The following CCDC171 variants were observed in gnomAD, a reference collection of about 807,000 sequenced individuals.
CCDC171 encodes the protein coiled-coil domain containing 171, also known as coiled-coil domain-containing protein 171.
In CCDC171, 177 loss-of-function variants were observed where a neutral mutation model predicts 168.2. That is an observed-to-expected ratio of 1.05 (90% CI 0.93 to 1.19). CCDC171 has a LOEUF of 1.19. Ranked by LOEUF, CCDC171 falls within the 50% of genes most tolerant of loss-of-function variation. The pLI, the probability that CCDC171 is intolerant of heterozygous loss-of-function variation, is 0.00. For synonymous variants in CCDC171, 687 were observed against 540.8 expected (o/e 1.27, Z -3.75); for missense variants, 1,991 against 1,539.0 (o/e 1.29, Z -4.91).
At chr9:15,974,297 T>C (rs183799107), downstream of CCDC171, among the ~76,000 whole-genome samples, 1 of 152,316 alleles carries the variant, frequency 6.6e-6, no homozygotes, top group African/African-American at 2.4e-5. Flanking sequence ...ACATATCCTA[T>C]GGAGATCTGA....
chr9:15,810,700 C>T (rs1371404922), intron 21 of CCDC171, among the ~76,000 whole-genome samples: 10 of 152,186 alleles, frequency 6.6e-5, no homozygotes, highest in South Asian at 2.1e-4. Context: ...GCTCCGAGTG[C>T]GGGGCCTGCC....
chr9:15,776,147 T>TTTTA (rs912132306), intron 18 of CCDC171: 7 of 152,234 alleles, frequency 4.6e-5, no homozygotes, highest in African/African-American at 1.2e-4. Flanking sequence ...ATTGTTTTCT[T>TTTTA]TTTATTTATT....
At chr9:15,990,009 ATAT>A (rs1179429994) in intron 3 of CCDC171, among the ~76,000 whole-genome samples, 1 of 152,194 alleles carries the variant, frequency 6.6e-6, no homozygotes, top group Non-Finnish European at 1.5e-5. Flanking sequence ...ACTCTGCAGG[ATAT>A]TATCCAGGAG....
intron 25 of CCDC171, among the ~76,000 whole-genome samples, chr9:15,953,400 AT>A (rs1261826424): frequency 6.6e-6 from 1 of 152,154 alleles, no homozygotes; most frequent in Non-Finnish European, 1.5e-5. Context: ...GCAGTATTAA[AT>A]TTAATCAAAT....
intron 16 of CCDC171, among the ~76,000 whole-genome samples, chr9:15,743,748 G>A (rs571068646): frequency 1.2e-4 from 18 of 152,284 alleles, no homozygotes; most frequent in African/African-American, 3.9e-4. Flanking sequence ...AATTAAGTGA[G>A]TATCCTTGAG....
At chr9:16,058,370 G>A (rs921126590) in intron 1 of CCDC171, among the ~76,000 whole-genome samples, 1 of 151,974 alleles carries the variant, frequency 6.6e-6, no homozygotes. Context: ...CTATTTCTCA[G>A]CCCCCTTGCC....
the CCDC171 span, among the ~76,000 whole-genome samples, chr9:16,088,880 C>A: frequency 6.6e-6 from 1 of 152,086 alleles, no homozygotes; most frequent in Non-Finnish European, 1.5e-5. Flanking sequence ...CATATGGAAT[C>A]AAAACAGAGC....
chr9:15,961,433 G>A (rs750588424), intron 25 of CCDC171, among the ~76,000 whole-genome samples: 3 of 152,134 alleles, frequency 2.0e-5, no homozygotes, highest in Non-Finnish European at 4.4e-5. Flanking sequence ...TAAAATGAAG[G>A]CACACAAGTT....
At chr9:15,805,569 A>G (rs1485790797) in intron 21 of CCDC171, among the ~76,000 whole-genome samples, 1 of 152,174 alleles carries the variant, frequency 6.6e-6, no homozygotes, top group Non-Finnish European at 1.5e-5. Context: ...GAATTTTTTT[A>G]GCACTGAGTT....
chr9:15,856,178 G>A (rs1209331900), intron 23 of CCDC171, among the ~76,000 whole-genome samples: 4 of 151,682 alleles, frequency 2.6e-5, no homozygotes, highest in African/African-American at 9.7e-5. Flanking sequence ...ATTTTATTGT[G>A]GTAAGAACAC....
At chr9:15,914,029 G>A (rs1824110998) in intron 24 of CCDC171, among the ~76,000 whole-genome samples, 2 of 152,216 alleles carry the variant, frequency 1.3e-5, no homozygotes, top group African/African-American at 4.8e-5. Flanking sequence ...TCGTCCCAGA[G>A]GGACACCTGC....
At position 16,054,965 on chromosome 9, in the gene CCDC171, G is replaced by A. The variant is rs113411028; in HGVS notation, n.90-5681G>A. Among the ~76,000 whole-genome samples, 257 of 152,318 alleles carry A rather than the reference G, an allele frequency of 1.7e-3. 1 individual carries two copies. The highest frequency in any genetic ancestry group is 6.0e-3 in the African/African-American group (250 of 41,572). On this transcript the variant is annotated intron_variant and non_coding_transcript_variant, in intron 1 of 1. Coordinates refer to the CCDC171 transcript ENST00000478913. ...ACTTAACGTGGAGACGAAGCCCCTCGGGGCAAGGGTGGATGCAGAGAGGCC... is the reference window on the plus strand; with the variant it reads ...ACTTAACGTGGAGACGAAGCCCCTCAGGGCAAGGGTGGATGCAGAGAGGCC...
chr9:16,015,680 G>C (rs1832993867), intron 3 of CCDC171, among the ~76,000 whole-genome samples: 1 of 152,044 alleles, frequency 6.6e-6, no homozygotes, highest in Admixed American at 6.6e-5. Context: ...AAAGTTCATT[G>C]GCATTGAGAG....
At chr9:15,615,934 C>G (rs10756678) in intron 6 of CCDC171, among the ~76,000 whole-genome samples, 1 of 151,766 alleles carries the variant, frequency 6.6e-6, no homozygotes, top group South Asian at 2.1e-4. Context: ...TGCGCCACAA[C>G]GCCAGCTAAT....
chr9:15,768,254 A>G (rs1432222426), intron 18 of CCDC171, among the ~76,000 whole-genome samples: 1 of 152,048 alleles, frequency 6.6e-6, no homozygotes, highest in Non-Finnish European at 1.5e-5. Flanking sequence ...TAGGCCCAAA[A>G]CTTCCTTCTG....
chr9:15,865,680 A>C (rs2061748356), intron 23 of CCDC171, among the ~76,000 whole-genome samples: 1 of 152,046 alleles, frequency 6.6e-6, no homozygotes, highest in Non-Finnish European at 1.5e-5. Context: ...TATATAATAC[A>C]CATAACACAA....
At chr9:15,815,732 G>A (rs2059541338) in intron 21 of CCDC171, among the ~76,000 whole-genome samples, 1 of 115,838 alleles carries the variant, frequency 8.6e-6, no homozygotes, top group South Asian at 2.8e-4. Flanking sequence ...GCCAAACCTT[G>A]GTTATAATAA....
intron 18 of CCDC171, among the ~76,000 whole-genome samples, chr9:15,746,207 A>G (rs2055266108): frequency 6.6e-6 from 1 of 152,132 alleles, no homozygotes; most frequent in African/African-American, 2.4e-5. Flanking sequence ...TTCAATGAAA[A>G]CTAATTGGAC....
At chr9:15,759,277 A>C (rs1231160704) in intron 18 of CCDC171, among the ~76,000 whole-genome samples, 1 of 152,150 alleles carries the variant, frequency 6.6e-6, no homozygotes, top group Non-Finnish European at 1.5e-5. Flanking sequence ...CTTTTTGCTG[A>C]ACAGTTTGAG....
Sources: gnomAD v4.1 joint callset for allele counts (sites outside exome capture counted in the v4.1 genomes callset) on GRCh38, gnomAD v4.1.1 for gene constraint, MANE v1.5 for transcripts, NCBI Gene and HGNC (gene_info 2026-07-23, HGNC 2026-07-21) for gene names.